KIF13B: variants seen among roughly 807,000 people sequenced by gnomAD.
The protein encoded by KIF13B is kinesin family member 13B.
Under a neutral mutation model 222.0 loss-of-function variants are expected in KIF13B, and 127 were observed. That is an observed-to-expected ratio of 0.57 (90% confidence interval 0.50 to 0.66). The LOEUF (loss-of-function observed/expected upper bound fraction) is 0.66. KIF13B is among the 30% of genes least tolerant of loss of function. The probability of loss-of-function intolerance (pLI) is 0.00; values close to 1 mark genes in which losing one functional copy is unlikely to be tolerated. For missense variants in KIF13B, 2,173 were observed against 2,379.0 expected (o/e 0.91, Z 1.80); for synonymous variants, 976 against 919.0 (o/e 1.06, Z -1.12).
intron 2 of KIF13B, 87 bp downstream of exon 2, chr8:29,245,259 A>G: frequency 1.2e-6 from 1 of 869,058 alleles, no homozygotes; most frequent in South Asian, 1.5e-5. Flanking sequence ...GGCATTCGAT[A>G]TCTATTCAAT....
upstream of KIF13B, chr8:29,263,149 G>T (rs1816754852): frequency 2.3e-6 from 2 of 886,028 alleles, no homozygotes; most frequent in South Asian, 3.3e-5. Context: ...GGACCGGGCT[G>T]GGGGCGGGGC....
At chr8:29,172,247 A>AT (rs1440996154) in intron 10 of KIF13B, among the ~76,000 whole-genome samples, 18 of 151,040 alleles carry the variant, frequency 1.2e-4, no homozygotes, top group South Asian at 4.2e-4. Context: ...CGCCTGGCTA[A>AT]TTTTTTTGTA....
At chr8:29,173,876 G>C (rs2130224106) in intron 10 of KIF13B, among the ~76,000 whole-genome samples, 1 of 148,750 alleles carries the variant, frequency 6.7e-6, no homozygotes, top group South Asian at 2.1e-4. Context: ...CCAGGAGGTG[G>C]AAGTTGCAGT....
intron 37 of KIF13B, among the ~76,000 whole-genome samples, chr8:29,088,683 C>A (rs1440052017): frequency 6.6e-6 from 1 of 152,188 alleles, no homozygotes; most frequent in Admixed American, 6.5e-5. Flanking sequence ...CTAGCCAATA[C>A]AGCATTTTTC....
intron 2 of KIF13B, among the ~76,000 whole-genome samples, chr8:29,237,825 C>T (rs1477681579): frequency 6.6e-6 from 1 of 152,112 alleles, no homozygotes; most frequent in Non-Finnish European, 1.5e-5. Flanking sequence ...TAAGAGTCTC[C>T]CTGATTCATC....
chr8:29,205,298 AT>A (rs1476216380), intron 2 of KIF13B, among the ~76,000 whole-genome samples: 5 of 152,218 alleles, frequency 3.3e-5, no homozygotes, highest in African/African-American at 1.2e-4. Context: ...GGATTTTCAA[AT>A]TCTCTTGAAA....
intron 2 of KIF13B, among the ~76,000 whole-genome samples, chr8:29,210,002 G>A (rs1354975084): frequency 1.3e-5 from 2 of 151,790 alleles, no homozygotes; most frequent in Non-Finnish European, 2.9e-5. Flanking sequence ...GCTGCAGTAA[G>A]CCATGATTGC....
At chr8:29,151,781 T>A (rs1811307047) in intron 14 of KIF13B, among the ~76,000 whole-genome samples, 1 of 149,382 alleles carries the variant, frequency 6.7e-6, no homozygotes, top group South Asian at 2.1e-4. Flanking sequence ...GATATGAATG[T>A]TGTTTTCATG....
chr8:29,165,619 C>A, intron 12 of KIF13B, 43 bp downstream of exon 12: 1 of 1,296,612 alleles, frequency 7.7e-7, no homozygotes, highest in Admixed American at 1.7e-5. Flanking sequence ...ATTGTGCAAA[C>A]TGCCATGAGG....
In KIF13B at chr8:29,113,537, G is replaced by A; in HGVS notation, c.3856C>T (p.Leu1286=). The A allele has an allele frequency of 6.3e-7, 1 of 1,584,842 alleles. No individual in the cohort carries two copies. The highest frequency in any genetic ancestry group is 1.2e-5 in the South Asian group (1 of 86,732). The change falls in exon 32 of 40, where the codon CTA becomes TTA. Residue 1286 remains leucine (L), a synonymous_variant. Coordinates refer to ENST00000524189, the MANE Select transcript of KIF13B (RefSeq NM_015254.4). ...GAACTTCGATGAGACATCTTTTTTA[G>A]GAGACTCTGTGCAAAACCCTAGAGA... The part of the protein sequence containing the change: ...HGRQGFAQSL[L]KKMSHRSSIP...
intron 24 of KIF13B, among the ~76,000 whole-genome samples, chr8:29,127,476 T>A (rs1006287052): frequency 6.6e-6 from 1 of 152,162 alleles, no homozygotes; most frequent in African/African-American, 2.4e-5. Flanking sequence ...AGAATAAATA[T>A]ATGTTTACAT....
chr8:29,244,175 G>A (rs529489573), intron 2 of KIF13B, among the ~76,000 whole-genome samples: 208 of 152,104 alleles, frequency 1.4e-3, no homozygotes, highest in African/African-American at 4.5e-3. Flanking sequence ...CATCACGCCC[G>A]GCTAATTTTT....
intron 37 of KIF13B, among the ~76,000 whole-genome samples, chr8:29,081,923 G>C (rs1439736204): frequency 6.6e-6 from 1 of 152,196 alleles, no homozygotes; most frequent in African/African-American, 2.4e-5. Context: ...CTTACTAAAA[G>C]TACATGTTTA....
intron 37 of KIF13B, among the ~76,000 whole-genome samples, chr8:29,085,188 T>C (rs920100039): frequency 6.6e-6 from 1 of 152,236 alleles, no homozygotes; most frequent in African/African-American, 2.4e-5. Context: ...CATCTTCACC[T>C]GAGAACCTGC....
intron 10 of KIF13B, among the ~76,000 whole-genome samples, chr8:29,170,389 G>A (rs1812186212): frequency 6.6e-6 from 1 of 152,160 alleles, no homozygotes; most frequent in South Asian, 2.1e-4. Flanking sequence ...TCATTCACTC[G>A]ACTCTTCCTG....
At chr8:29,110,442 AAAGGGAAGAGGGG>A in intron 32 of KIF13B, 1 of 242,278 alleles carries the variant, frequency 4.1e-6, no homozygotes, top group South Asian at 4.9e-5. Flanking sequence ...AGGGACAGAG[AAAGGGAAGAGGGG>A]CTGGGGTGAC....
intron 1 of KIF13B, among the ~76,000 whole-genome samples, chr8:29,249,240 C>T (rs1816173315): frequency 6.6e-6 from 1 of 151,930 alleles, no homozygotes; most frequent in African/African-American, 2.4e-5. Context: ...CCAGCCTGGC[C>T]AACATGGTGA....
At chr8:29,157,392 CAAAAAAAAAAA>C (rs371702237) in intron 13 of KIF13B, among the ~76,000 whole-genome samples, 3 of 89,160 alleles carry the variant, frequency 3.4e-5, no homozygotes, top group South Asian at 4.3e-4. Context: ...TCGTCTCTAC[CAAAAAAAAAAA>C]AAAAAAAAAA....
At chr8:29,192,119 T>G (rs1175981813) in intron 3 of KIF13B, among the ~76,000 whole-genome samples, 1 of 152,220 alleles carries the variant, frequency 6.6e-6, no homozygotes, top group Non-Finnish European at 1.5e-5. Flanking sequence ...AAGCCCAGAT[T>G]TTGGGTCTTC....
Sources: gnomAD v4.1 joint callset for allele counts (sites outside exome capture counted in the v4.1 genomes callset) on GRCh38, gnomAD v4.1.1 for gene constraint, MANE v1.5 for transcripts, NCBI Gene and HGNC (gene_info 2026-07-23, HGNC 2026-07-21) for gene names.